Variants in PTPN14 observed in about 807,000 individuals in gnomAD.
PTPN14 encodes the protein protein tyrosine phosphatase non-receptor type 14, also known as tyrosine-protein phosphatase non-receptor type 14.
A neutral mutation model predicts 126.8 loss-of-function variants in PTPN14; 53 were observed. The ratio of observed to expected loss-of-function variants is 0.42; its 90% confidence interval spans 0.34 to 0.53. The LOEUF (loss-of-function observed/expected upper bound fraction) is 0.53. Among genes scored for constraint, PTPN14 ranks in the 20% least tolerant of loss-of-function variants. PTPN14 has a pLI of 0.08. For synonymous variants in PTPN14, 630 were observed against 599.3 expected, an observed-to-expected ratio of 1.05 and a Z score of -0.75; for missense variants, 1,257 against 1,552.9, an observed-to-expected ratio of 0.81 and a Z score of 3.20.
At chr1:214,414,105 T>C (rs1360477490) in intron 4 of PTPN14, among the ~76,000 whole-genome samples, 1 of 152,210 alleles carries the variant, frequency 6.6e-6, no homozygotes, top group Non-Finnish European at 1.5e-5. Flanking sequence ...AAAACAGCTA[T>C]GTAATATAAA....
intron 17 of PTPN14, among the ~76,000 whole-genome samples, chr1:214,366,419 G>C (rs747709016): frequency 2.0e-5 from 3 of 152,132 alleles, no homozygotes; most frequent in Admixed American, 6.5e-5. Flanking sequence ...TGGGTAATAC[G>C]GTAGATGCCA....
At chr1:214,424,822 T>C (rs1179706001) in intron 3 of PTPN14, among the ~76,000 whole-genome samples, 1 of 152,246 alleles carries the variant, frequency 6.6e-6, no homozygotes, top group African/African-American at 2.4e-5. Flanking sequence ...GTGCTGGGAT[T>C]GCAGGTGTGA....
intron 1 of PTPN14, chr1:214,533,269 G>A (rs955985654): frequency 1.6e-6 from 1 of 610,678 alleles, no homozygotes. Flanking sequence ...GGAGTGCGAG[G>A]CCCTGCTGAA....
intron 17 of PTPN14, among the ~76,000 whole-genome samples, chr1:214,367,510 CT>C (rs1658110882): frequency 6.6e-6 from 1 of 152,176 alleles, no homozygotes; most frequent in African/African-American, 2.4e-5. Context: ...TGTCATTCCC[CT>C]TTTCTCCCAT....
chr1:214,445,551 T>C, intron 3 of PTPN14, among the ~76,000 whole-genome samples: 1 of 145,682 alleles, frequency 6.9e-6, no homozygotes, highest in African/African-American at 2.5e-5. Context: ...ATGTTTTGGT[T>C]AAAAAAAAAA....
chr1:214,484,396 G>T (rs1435892067), intron 1 of PTPN14, among the ~76,000 whole-genome samples: 2 of 152,224 alleles, frequency 1.3e-5, no homozygotes, highest in Non-Finnish European at 2.9e-5. Context: ...AGGTGACAGA[G>T]TGAGACCCTA....
intron 4 of PTPN14, among the ~76,000 whole-genome samples, chr1:214,413,879 G>C (rs1659364814): frequency 6.6e-6 from 1 of 151,938 alleles, no homozygotes; most frequent in Non-Finnish European, 1.5e-5. Flanking sequence ...ATGTTGGCCA[G>C]GCTGGTCTCG....
intron 2 of PTPN14, among the ~76,000 whole-genome samples, chr1:214,463,831 A>T (rs996094209): frequency 1.3e-5 from 2 of 152,062 alleles, no homozygotes; most frequent in African/African-American, 4.8e-5. Context: ...CAACCACTCA[A>T]CCATACCACC....
intron 2 of PTPN14, among the ~76,000 whole-genome samples, chr1:214,457,992 C>CATCTAT (rs58773276): frequency 0.02 from 2,964 of 150,166 alleles, 47 homozygotes; most frequent in African/African-American, 0.039. Flanking sequence ...ATCACAGTTT[C>CATCTAT]ATCTATATCT....
intron 5 of PTPN14, among the ~76,000 whole-genome samples, chr1:214,407,655 C>T (rs1659201683): frequency 6.6e-6 from 1 of 152,228 alleles, no homozygotes; most frequent in Non-Finnish European, 1.5e-5. Flanking sequence ...CTCTCAAAAC[C>T]TAAAACCTTT....
intron 1 of PTPN14, among the ~76,000 whole-genome samples, chr1:214,495,805 C>T (rs1422549872): frequency 6.6e-6 from 1 of 152,140 alleles, no homozygotes; most frequent in Non-Finnish European, 1.5e-5. Context: ...AGCGATGCTC[C>T]TGCCTCAGCC....
chr1:214,450,037 G>A (rs1336163708), intron 3 of PTPN14, among the ~76,000 whole-genome samples: 7 of 151,862 alleles, frequency 4.6e-5, no homozygotes, highest in South Asian at 2.1e-4. Context: ...GGAGGCTGAC[G>A]CAGGAGGATT....
At chr1:214,373,699 TAAA>T (rs11299837) in intron 15 of PTPN14, among the ~76,000 whole-genome samples, 55 of 143,180 alleles carry the variant, frequency 3.8e-4, no homozygotes, top group Middle Eastern at 3.7e-3. Flanking sequence ...AATTAAACAA[TAAA>T]AAAAAAAAAA....
At chr1:214,476,381 A>G (rs1660869091) in intron 1 of PTPN14, among the ~76,000 whole-genome samples, 1 of 152,196 alleles carries the variant, frequency 6.6e-6, no homozygotes, top group South Asian at 2.1e-4. Flanking sequence ...TCTTTTCCGG[A>G]GAGGTGCGCC....
At chr1:214,417,117 T>C (rs1045162465) in intron 3 of PTPN14, among the ~76,000 whole-genome samples, 1 of 152,110 alleles carries the variant, frequency 6.6e-6, no homozygotes, top group South Asian at 2.1e-4. Context: ...AGGAAAACTT[T>C]TTAATATTTT....
intron 1 of PTPN14, among the ~76,000 whole-genome samples, chr1:214,547,297 T>A (rs1655996158): frequency 6.6e-6 from 1 of 152,216 alleles, no homozygotes; most frequent in African/African-American, 2.4e-5. Flanking sequence ...AGGGGTAGGA[T>A]ACCTTCATAT....
At chr1:214,432,953 G>C (rs1024536255) in intron 3 of PTPN14, among the ~76,000 whole-genome samples, 6 of 152,116 alleles carry the variant, frequency 3.9e-5, no homozygotes, top group African/African-American at 1.2e-4. Context: ...GCCCAGGCTG[G>C]AGTGCAGTGG....
chr1:214,459,989 A>G (rs1449668857), intron 2 of PTPN14, among the ~76,000 whole-genome samples: 1 of 152,214 alleles, frequency 6.6e-6, no homozygotes, highest in Non-Finnish European at 1.5e-5. Context: ...TGAGGAAAGA[A>G]TGTTTCCCAA....
At chr1:214,532,243 G>T in intron 1 of PTPN14, 1 of 414,928 alleles carries the variant, frequency 2.4e-6, no homozygotes, top group Non-Finnish European at 4.6e-6. Flanking sequence ...CTGGTCCCTG[G>T]GCTCTGTCCA....
Sources: allele counts gnomAD v4.1 joint callset (sites outside exome capture counted in the v4.1 genomes callset), GRCh38; gene constraint gnomAD v4.1.1; transcripts MANE v1.5; gene names NCBI Gene and HGNC (gene_info 2026-07-23, HGNC 2026-07-21).